The following PRTG variants were observed in gnomAD, a reference collection of about 807,000 sequenced individuals.
The protein encoded by PRTG is immunoglobulin superfamily, DCC subclass, member 5.
A neutral mutation model predicts 122.5 loss-of-function variants in PRTG; 67 were observed. That is an observed-to-expected ratio of 0.55 (90% confidence interval 0.45 to 0.67). The LOEUF (loss-of-function observed/expected upper bound fraction) is 0.67, where lower values mean the gene tolerates loss of function less well. Ranked by LOEUF, PRTG falls within the 30% of genes least tolerant of loss-of-function variation. The pLI is 0.00. For missense variants in PRTG, 1,435 were observed against 1,415.4 expected (o/e 1.01, Z -0.22); for synonymous variants, 554 against 501.1 (o/e 1.11, Z -1.41).
At chr15:55,672,372 A>C in intron 11 of PRTG, 73 bp downstream of exon 11, 1 of 1,193,002 alleles carries the variant, frequency 8.4e-7, no homozygotes, top group South Asian at 1.4e-5. Context: ...CTCCTGCTTT[A>C]GATCCAATAA....
intron 19 of PRTG, 138 bp from the exon 20 acceptor site, chr15:55,620,404 T>C (rs933168911): frequency 6.2e-5 from 90 of 1,444,684 alleles, no homozygotes; most frequent in Non-Finnish European, 7.8e-5. Flanking sequence ...GCTTCTTCAG[T>C]GCTTCTGATG....
chr15:55,724,138 C>T (rs1214083311), intron 2 of PRTG, among the ~76,000 whole-genome samples: 1 of 152,096 alleles, frequency 6.6e-6, no homozygotes, highest in Non-Finnish European at 1.5e-5. Flanking sequence ...CACTAGAGGA[C>T]AATGTGTATT....
rs754341208 is a variant in PRTG at position 55,683,837 on chromosome 15, T to G, written c.492A>C (p.Ala164=). The G allele has an allele frequency of 1.2e-6, 2 of 1,614,000 alleles. No homozygotes were observed. Among genetic ancestry groups the G allele is most frequent in the South Asian group, 2.2e-5 (2 of 91,072 alleles). Residue 164 remains alanine, a synonymous_variant, in exon 3 of 20, where the codon GCA becomes GCC. Coordinates refer to ENST00000389286, the MANE Select transcript of PRTG (RefSeq NM_173814.6). ...TCCGATTGAACTCCCATGTTATGACTGCAGGAGGGTGGGATGAAATCTTGC... is the reference window on the plus strand; with the variant it reads ...TCCGATTGAACTCCCATGTTATGACGGCAGGAGGGTGGGATGAAATCTTGC... The part of the protein sequence containing the change: ...FACKISSHPP[A]VITWEFNRTT...
chr15:55,699,081 A>C (rs2059647922), intron 2 of PRTG, among the ~76,000 whole-genome samples: 1 of 152,100 alleles, frequency 6.6e-6, no homozygotes, highest in South Asian at 2.1e-4. Flanking sequence ...CCACCTTCTA[A>C]CTTTATATTA....
At chr15:55,652,899 T>C (rs962522964) in intron 11 of PRTG, among the ~76,000 whole-genome samples, 2 of 152,074 alleles carry the variant, frequency 1.3e-5, no homozygotes, top group Non-Finnish European at 2.9e-5. Flanking sequence ...ATGGAAAACG[T>C]TAATTCATGA....
At chr15:55,728,108 C>G (rs148290604) in intron 2 of PRTG, among the ~76,000 whole-genome samples, 1 of 152,178 alleles carries the variant, frequency 6.6e-6, no homozygotes, top group East Asian at 1.9e-4. Flanking sequence ...TCAGGCAATC[C>G]GCCCACCTCG....
intron 2 of PRTG, among the ~76,000 whole-genome samples, chr15:55,709,220 T>A (rs78793670): frequency 3.5e-5 from 5 of 143,284 alleles, no homozygotes; most frequent in Non-Finnish European, 6.0e-5. Flanking sequence ...TTAGATAGTT[T>A]AATTTCTTTA....
chr15:55,715,256 A>G (rs971754328), intron 2 of PRTG, among the ~76,000 whole-genome samples: 3 of 152,198 alleles, frequency 2.0e-5, no homozygotes, highest in African/African-American at 7.2e-5. Context: ...CACCATATCT[A>G]TGACAAAACC....
chr15:55,702,490 G>C (rs1404599930), intron 2 of PRTG, among the ~76,000 whole-genome samples: 2 of 152,134 alleles, frequency 1.3e-5, no homozygotes, highest in African/African-American at 4.8e-5. Flanking sequence ...ATTCAATTCA[G>C]TCATCACCTC....
At chr15:55,708,206 G>A (rs1347910921) in intron 2 of PRTG, among the ~76,000 whole-genome samples, 8 of 145,030 alleles carry the variant, frequency 5.5e-5, no homozygotes, top group South Asian at 2.2e-4. Flanking sequence ...TGAGAAAGGC[G>A]GGAAAGAGAA....
chr15:55,683,808 G>A lies in PRTG; in HGVS notation c.521C>T (p.Thr174Ile). The stretch of plus-strand genomic sequence containing the variant: ...CTACCTGTCCATAGTCATAGGTAGA[G>A]TTGTCCGATTGAACTCCCATGTTAT... ...AVITWEFNRT[T>I]LPMTMDRITA... Residue 174 changes from threonine (T) to isoleucine (I), a missense_variant, in exon 3 of 20, where the codon ACT becomes ATT. Thr to Ile is a moderately conservative substitution (Grantham distance 89, BLOSUM62 -1). Coordinates refer to ENST00000389286, the MANE Select transcript of PRTG (RefSeq NM_173814.6). The A allele has an allele frequency of 6.2e-7, 1 of 1,613,844 alleles. No individual in the cohort carries two copies.
chr15:55,696,200 G>T (rs1414326512), intron 2 of PRTG, among the ~76,000 whole-genome samples: 1 of 152,122 alleles, frequency 6.6e-6, no homozygotes, highest in African/African-American at 2.4e-5. Flanking sequence ...GGAGGTAGAA[G>T]CTGCAGTGAG....
At chr15:55,723,990 AT>A (rs2030933048) in intron 2 of PRTG, among the ~76,000 whole-genome samples, 1 of 151,928 alleles carries the variant, frequency 6.6e-6, no homozygotes, top group Admixed American at 6.6e-5. Context: ...TGACCTCATG[AT>A]CCGCCTGCCT....
rs765017628 is a variant in PRTG, at chr15:55,672,422, A to G, written c.2041+23T>C. 4 of 1,576,266 alleles carry G rather than the reference A, an allele frequency of 2.5e-6. No individual in the cohort carries two copies. The South Asian group carries it at 4.7e-5, about 18-fold the overall frequency. On this transcript the variant is annotated intron_variant, in intron 11 of 19. Coordinates refer to ENST00000389286, the MANE Select transcript of PRTG (RefSeq NM_173814.6). ...TGTCAGAGAGGAAGGAAAAAGGGAA[A>G]AATACAGTACAAACTCACTCACCTA...
At position 55,619,770 on chromosome 15, in the gene PRTG, T is replaced by C. The variant is rs2059156211; in HGVS notation, c.*242A>G. 2 of 545,704 alleles carry C rather than the reference T, an allele frequency of 3.7e-6. No individual in the cohort carries two copies. The highest frequency in any genetic ancestry group is 3.5e-5 in the South Asian group (1 of 28,428). 33.8% of individuals were successfully genotyped at this position (545,704 alleles called of 1,614,324 possible). ...ATTCAAAAAAAGCTAAAATACCCCATAAAGATATTAAGATTTTCACAAAAG... is the reference window on the plus strand; with the variant it reads ...ATTCAAAAAAAGCTAAAATACCCCACAAAGATATTAAGATTTTCACAAAAG... On this transcript the variant is annotated 3_prime_UTR_variant, in exon 20 of 20. Coordinates refer to ENST00000389286, the MANE Select transcript of PRTG (RefSeq NM_173814.6).
At chr15:55,732,464 T>C (rs1371344527) in intron 2 of PRTG, among the ~76,000 whole-genome samples, 2 of 150,114 alleles carry the variant, frequency 1.3e-5, no homozygotes, top group Admixed American at 6.7e-5. Context: ...GGATTACAGG[T>C]ATGAGCAACT....
chr15:55,673,762 G>A lies in PRTG; in HGVS notation c.1547-86C>T, dbSNP rs553590910. ...ACCAGTAACTGAATTCTCTTAATTA[G>A]CAACATATAATAAAGAAGAGACACT... is the stretch of plus-strand genomic sequence containing the variant. On this transcript the variant is annotated intron_variant, in intron 9 of 19. Coordinates refer to ENST00000389286, the MANE Select transcript of PRTG (RefSeq NM_173814.6). 5.3e-5 allele frequency: 53 copies of A among 1,000,046 alleles called. No homozygotes were observed. In the African/African-American group the frequency reaches 7.3e-4, roughly 14 times the overall value. The allele number at this position is 1,000,046 out of a possible 1,614,324, so 61.9% of individuals were successfully genotyped here.
In PRTG at chr15:55,740,495, A is replaced by C. The variant is rs1406874728; in HGVS notation, c.284T>G (p.Ile95Ser). ...IEVLSNGSLY[I>S]SEVEGRRGEQ... ...TCCTCGCCTGCCTTCCACCTCACTG[A>C]TGTATAAAGAGCCGTTAGAAAGAAC... Residue 95 changes from isoleucine (I) to serine (S), a missense_variant, in exon 2 of 20, where the codon ATC (isoleucine) becomes AGC (serine). Coordinates refer to ENST00000389286, the MANE Select transcript of PRTG (RefSeq NM_173814.6). 6 of 1,614,008 alleles carry C rather than the reference A, an allele frequency of 3.7e-6. No homozygotes were observed. Among genetic ancestry groups the C allele is most frequent in the Non-Finnish European group, 8.5e-7 (1 of 1,180,018 alleles).
chr15:55,738,071 A>AAAATATATATATATATATATATATAT (rs2031490450), intron 2 of PRTG: 1 of 105,440 alleles, frequency 9.5e-6, no homozygotes, highest in Non-Finnish European at 2.1e-5. Context: ...TCTTCCTGTA[A>AAAATATATATATATATATATATATAT]ATATATATAT....
Sources: gnomAD v4.1 joint callset for allele counts (sites outside exome capture counted in the v4.1 genomes callset) on GRCh38, gnomAD v4.1.1 for gene constraint, MANE v1.5 for transcripts, NCBI Gene and HGNC (gene_info 2026-07-23, HGNC 2026-07-21) for gene names.